Variants in FRMPD1 observed in about 807,000 individuals in gnomAD.
FRMPD1 encodes FERM and PDZ domain-containing protein 1.
Under a neutral mutation model 117.8 loss-of-function variants are expected in FRMPD1, and 76 were observed. The ratio of observed to expected loss-of-function variants is 0.65; its 90% CI spans 0.54 to 0.78. The LOEUF is 0.78. Among genes scored for constraint, FRMPD1 ranks in the 30% least tolerant of loss-of-function variants. The pLI, the probability that FRMPD1 is intolerant of heterozygous loss-of-function variation, is 0.00. For missense variants in FRMPD1, 1,786 were observed against 1,964.5 expected, an observed-to-expected ratio of 0.91 and a Z score of 1.72; for synonymous variants, 783 against 770.4, an observed-to-expected ratio of 1.02 and a Z score of -0.27.
At chr9:37,638,281 C>T in the FRMPD1 span, among the ~76,000 whole-genome samples, 1 of 152,010 alleles carries the variant, frequency 6.6e-6, no homozygotes, top group Non-Finnish European at 1.5e-5. Flanking sequence ...CCATGTTGGC[C>T]AGGCTGGTCT....
chr9:37,738,839 G>A (rs567209731), intron 14 of FRMPD1, among the ~76,000 whole-genome samples: 1 of 152,072 alleles, frequency 6.6e-6, no homozygotes, highest in Non-Finnish European at 1.5e-5. Flanking sequence ...AACCAGGCAC[G>A]GAAAAGGAAG....
At chr9:37,682,344 G>A (rs1190636582) in intron 1 of FRMPD1, among the ~76,000 whole-genome samples, 2 of 152,220 alleles carry the variant, frequency 1.3e-5, no homozygotes, top group Non-Finnish European at 1.5e-5. Context: ...AATTGATCAA[G>A]AGAGCAGTGT....
chr9:37,685,720 G>A (rs534561014), intron 1 of FRMPD1, among the ~76,000 whole-genome samples: 32 of 151,896 alleles, frequency 2.1e-4, no homozygotes, highest in African/African-American at 4.3e-4. Flanking sequence ...CATTTTCTCC[G>A]CTAGCCCTAT....
chr9:37,627,637 C>A, the FRMPD1 span, among the ~76,000 whole-genome samples: 1 of 152,158 alleles, frequency 6.6e-6, no homozygotes, highest in Non-Finnish European at 1.5e-5. Flanking sequence ...CCATGCCCAG[C>A]TAATTTTTAT....
At chr9:37,610,657 C>T in the FRMPD1 span, among the ~76,000 whole-genome samples, 99 of 150,212 alleles carry the variant, frequency 6.6e-4, no homozygotes, top group African/African-American at 1.9e-3. Flanking sequence ...TGCAATGGCG[C>T]GATCTCGGCT....
intron 1 of FRMPD1, among the ~76,000 whole-genome samples, chr9:37,658,364 T>C (rs1820901888): frequency 6.6e-6 from 1 of 152,236 alleles, no homozygotes; most frequent in African/African-American, 2.4e-5. Flanking sequence ...GCCCAGTGGT[T>C]GACGTGGGGT....
At chr9:37,650,358 G>A (rs1820626947), upstream of FRMPD1, among the ~76,000 whole-genome samples, 2 of 152,206 alleles carry the variant, frequency 1.3e-5, no homozygotes, top group South Asian at 4.1e-4. Flanking sequence ...AACCCTCAAG[G>A]AGACCGAGGG....
At chr9:37,713,399 T>G (rs2118195997) in intron 5 of FRMPD1, among the ~76,000 whole-genome samples, 1 of 152,192 alleles carries the variant, frequency 6.6e-6, no homozygotes, top group East Asian at 1.9e-4. Flanking sequence ...TAGCTTGAGC[T>G]GAGGAGTTCA....
Position 37,744,778 on chromosome 9 carries a change from C to T in FRMPD1, c.2746C>T (p.Pro916Ser), listed in dbSNP as rs1282339136. The T allele has an allele frequency of 2.5e-6, 4 of 1,614,036 alleles. No homozygotes were observed. The highest frequency in any genetic ancestry group is 1.7e-5 in the Admixed American group (1 of 60,000). The change falls in exon 16 of 16, where the codon CCA (proline) becomes TCA (serine). Residue 916 changes from proline (P) to serine (S), a missense_variant. Coordinates refer to ENST00000377765, the MANE Select transcript of FRMPD1 (RefSeq NM_014907.3). ...APLRETKSTN[P>S]ASRVMEMEPE... ...TCTGAGGGAGACCAAGAGCACAAAC[C>T]CAGCCTCCAGGGTCATGGAGATGGA...
At chr9:37,650,649 T>C (rs1820638783), upstream of FRMPD1, among the ~76,000 whole-genome samples, 1 of 152,114 alleles carries the variant, frequency 6.6e-6, no homozygotes, top group Non-Finnish European at 1.5e-5. Context: ...CCGGGTGACC[T>C]TGGGGAGTCC....
chr9:37,722,608 A>G (rs1030990826), intron 6 of FRMPD1, among the ~76,000 whole-genome samples: 1 of 152,090 alleles, frequency 6.6e-6, no homozygotes, highest in Non-Finnish European at 1.5e-5. Flanking sequence ...AGGTTTCACC[A>G]TGTGTAGGCT....
intron 1 of FRMPD1, among the ~76,000 whole-genome samples, chr9:37,658,901 C>G (rs1274690513): frequency 6.6e-6 from 1 of 152,148 alleles, no homozygotes; most frequent in Non-Finnish European, 1.5e-5. Context: ...GGGTTTGGCT[C>G]TGTCACCCAG....
In FRMPD1 at chr9:37,746,170, T is replaced by G; in HGVS notation, c.4138T>G (p.Trp1380Gly). The part of the protein sequence containing the change: ...PSAGSPVVLP[W>G]RPARAHSCTT... ...TGCGGGAAGCCCGGTGGTTCTGCCC[T>G]GGAGGCCTGCCCGAGCCCACAGCTG... The change falls in exon 16 of 16, where the codon TGG becomes GGG. Residue 1380 changes from tryptophan to glycine, a missense_variant. Transcript: ENST00000377765. 1 of 1,613,618 alleles carries G rather than the reference T, an allele frequency of 6.2e-7. No individual in the cohort carries two copies. Among genetic ancestry groups the G allele is most frequent in the Non-Finnish European group, 8.5e-7 (1 of 1,179,944 alleles).
Position 37,733,799 on chromosome 9 carries a change from G to A in FRMPD1, c.1192G>A (p.Gly398Arg). 1.9e-6 allele frequency: 3 copies of A among 1,589,420 alleles called. No individual in the cohort carries two copies. Among genetic ancestry groups the A allele is most frequent in the Middle Eastern group, 1.7e-4 (1 of 6,010 alleles). Residue 398 changes from glycine (G) to arginine (R), a missense_variant, in exon 12 of 16, where the codon GGA becomes AGA. Gly to Arg is a moderately radical substitution (Grantham distance 125). Coordinates refer to ENST00000377765, the MANE Select transcript of FRMPD1 (RefSeq NM_014907.3). ...QILGELKTYG[G>R]RIFNATLMLQ... The stretch of plus-strand genomic sequence containing the variant: ...CCTCGGAGAACTCAAGACATATGGT[G>A]GAAGAATCTTTAATGCTACTTTAAT...
intron 6 of FRMPD1, 43 bp from the exon 7 acceptor site, chr9:37,724,182 A>AT (rs1255372705): frequency 9.9e-7 from 1 of 1,010,844 alleles, no homozygotes; most frequent in Non-Finnish European, 1.6e-6. Context: ...TCCAGAAGGA[A>AT]TAAAAAAAGA....
chr9:37,685,459 C>G (rs535470521), intron 1 of FRMPD1, among the ~76,000 whole-genome samples: 2 of 151,328 alleles, frequency 1.3e-5, no homozygotes, highest in Admixed American at 1.3e-4. Context: ...CTGGCTAACA[C>G]GGTGAAACCC....
intron 6 of FRMPD1, among the ~76,000 whole-genome samples, chr9:37,720,249 C>T (rs1296772106): frequency 6.6e-6 from 1 of 152,226 alleles, no homozygotes; most frequent in Non-Finnish European, 1.5e-5. Flanking sequence ...ATATTTGAGT[C>T]ATGTTTGTGA....
intron 12 of FRMPD1, among the ~76,000 whole-genome samples, chr9:37,734,427 C>T (rs1824029969): frequency 6.6e-6 from 1 of 151,742 alleles, no homozygotes; most frequent in Non-Finnish European, 1.5e-5. Flanking sequence ...AGCAGAAAAG[C>T]CCTCTGCTCT....
the FRMPD1 span, among the ~76,000 whole-genome samples, chr9:37,641,939 C>A: frequency 6.6e-6 from 1 of 152,188 alleles, no homozygotes; most frequent in Admixed American, 6.5e-5. Flanking sequence ...CTGATATAGT[C>A]CAATTCTATG....
Sources: gnomAD v4.1 joint callset for allele counts (sites outside exome capture counted in the v4.1 genomes callset) on GRCh38, gnomAD v4.1.1 for gene constraint, MANE v1.5 for transcripts, NCBI Gene and HGNC (gene_info 2026-07-23, HGNC 2026-07-21) for gene names.